RBMS3: variants seen among roughly 807,000 people sequenced by gnomAD.
RBMS3 encodes RNA binding motif single stranded interacting protein 3.
A neutral mutation model predicts 66.8 loss-of-function variants in RBMS3; 27 were observed. That is an observed-to-expected ratio of 0.40 (90% CI 0.30 to 0.56). The LOEUF is 0.56. Among genes scored for constraint, RBMS3 ranks in the 20% least tolerant of loss-of-function variants. The pLI is 0.40. For synonymous variants in RBMS3, 188 were observed against 183.0 expected (o/e 1.03, Z -0.22); for missense variants, 513 against 549.5 (o/e 0.93, Z 0.66).
At chr3:29,301,924 T>C (rs2033697237) in intron 1 of RBMS3, among the ~76,000 whole-genome samples, 2 of 152,134 alleles carry the variant, frequency 1.3e-5, no homozygotes, top group East Asian at 1.9e-4. Context: ...GGAAGAAACA[T>C]GATTTTGAAG....
At chr3:29,828,897 G>A (rs2058278078) in intron 6 of RBMS3, among the ~76,000 whole-genome samples, 2 of 152,048 alleles carry the variant, frequency 1.3e-5, no homozygotes, top group African/African-American at 2.4e-5. Flanking sequence ...AGATAACTGT[G>A]TGTTCAGTAA....
At chr3:29,668,799 A>C (rs571431038) in intron 4 of RBMS3, among the ~76,000 whole-genome samples, 1 of 152,318 alleles carries the variant, frequency 6.6e-6, no homozygotes, top group African/African-American at 2.4e-5. Context: ...TATTTTTTGA[A>C]ATTTTAATAC....
chr3:30,009,117 C>T lies in RBMS3; in HGVS notation c.*5255C>T, dbSNP rs1488037732. On this transcript the variant is annotated 3_prime_UTR_variant, in exon 15 of 15. Transcript: ENST00000383767. ...AGTAGAGGTGCAGTCAAGCTTGGAT[C>T]TGCAGGAAGAACCACTAGGCCACTG... is the stretch of plus-strand genomic sequence containing the variant. 1 of 152,096 alleles carries T rather than the reference C, an allele frequency of 6.6e-6. No individual in the cohort carries two copies. The highest frequency in any genetic ancestry group is 6.6e-5 in the Admixed American group (1 of 15,266). The allele number at this position is 152,096 out of a possible 1,614,324, so 9.4% of individuals were successfully genotyped here. A position where few individuals can be genotyped will look rare whatever the true frequency, so the allele number is the denominator to read the frequency against.
At chr3:29,561,112 T>C (rs2046535121) in intron 3 of RBMS3, among the ~76,000 whole-genome samples, 1 of 70 alleles carries the variant, frequency 0.014, no homozygotes, top group Admixed American at 0.25. Flanking sequence ...GGTGCCTATG[T>C]ACCACATTTT....
rs1483947793 is a variant in RBMS3, at chr3:29,413,397, CAT to C, written c.76-21344_76-21343del. 2.7e-5 allele frequency among the ~76,000 whole-genome samples: 4 copies of C among 150,240 alleles called. No individual in the cohort carries two copies. In the East Asian group the frequency reaches 7.9e-4, roughly 30 times the overall value. On this transcript the variant is annotated intron_variant, in intron 1 of 14. Coordinates refer to ENST00000383767, the MANE Select transcript of RBMS3 (RefSeq NM_001003793.3). ...TCATACATACATACATACATACATA[CAT>C]ACATACATACATACATACATACATA...
At chr3:29,849,114 T>A (rs2058862986) in intron 6 of RBMS3, among the ~76,000 whole-genome samples, 1 of 152,002 alleles carries the variant, frequency 6.6e-6, no homozygotes, top group Non-Finnish European at 1.5e-5. Flanking sequence ...GAATATTGTC[T>A]TTCACACATA....
At chr3:29,867,312 A>G (rs2059387304) in intron 6 of RBMS3, among the ~76,000 whole-genome samples, 1 of 151,852 alleles carries the variant, frequency 6.6e-6, no homozygotes, top group Non-Finnish European at 1.5e-5. Flanking sequence ...AATGCCACAT[A>G]TCAATTGTAA....
chr3:29,439,981 T>C (rs944522005), intron 2 of RBMS3, among the ~76,000 whole-genome samples: 2 of 152,166 alleles, frequency 1.3e-5, no homozygotes, highest in South Asian at 2.1e-4. Flanking sequence ...TCGGAGAAGA[T>C]AGATTTGGTT....
At chr3:29,944,103 C>T (rs1695138950) in intron 11 of RBMS3, 104 bp from the exon 12 acceptor site, 1 of 1,023,664 alleles carries the variant, frequency 9.8e-7, no homozygotes, top group Non-Finnish European at 1.5e-6. Flanking sequence ...GTGGGTCAGG[C>T]AACCATATGA....
chr3:29,880,899 T>C, intron 7 of RBMS3: 1 of 1,374,242 alleles, frequency 7.3e-7, no homozygotes, highest in Admixed American at 2.0e-5. Context: ...TCTCCCAAGG[T>C]ACCTACTCTA....
chr3:29,532,062 C>T (rs1337888282), intron 3 of RBMS3, among the ~76,000 whole-genome samples: 1 of 151,706 alleles, frequency 6.6e-6, no homozygotes, highest in Non-Finnish European at 1.5e-5. Context: ...ACATTGCAGC[C>T]ATTCAATACA....
chr3:29,462,733 G>T (rs7649965), intron 2 of RBMS3, among the ~76,000 whole-genome samples: 1 of 152,212 alleles, frequency 6.6e-6, no homozygotes, highest in Non-Finnish European at 1.5e-5. Context: ...CAGCTGAGTT[G>T]TTGAGAATGA....
At chr3:29,694,708 A>G (rs2052183826) in intron 4 of RBMS3, among the ~76,000 whole-genome samples, 1 of 152,144 alleles carries the variant, frequency 6.6e-6, no homozygotes, top group African/African-American at 2.4e-5. Context: ...TTTTAAACAC[A>G]TTATCTGTGC....
At chr3:29,577,285 G>T (rs1280307434) in intron 3 of RBMS3, among the ~76,000 whole-genome samples, 1 of 152,198 alleles carries the variant, frequency 6.6e-6, no homozygotes, top group African/African-American at 2.4e-5. Flanking sequence ...CAAGACACAA[G>T]GCTCCTCTTT....
At chr3:29,903,434 G>A (rs946592920) in intron 10 of RBMS3, among the ~76,000 whole-genome samples, 11 of 151,912 alleles carry the variant, frequency 7.2e-5, no homozygotes, top group East Asian at 1.9e-4. Context: ...CAGCACAGAC[G>A]TCTATACTGC....
chr3:29,481,936 C>G (rs1204851974), intron 2 of RBMS3, among the ~76,000 whole-genome samples: 1 of 152,110 alleles, frequency 6.6e-6, no homozygotes, highest in Non-Finnish European at 1.5e-5. Flanking sequence ...TATTTTATTT[C>G]ATTTTTACAG....
At chr3:29,707,785 G>A (rs548152201) in intron 4 of RBMS3, among the ~76,000 whole-genome samples, 3 of 152,350 alleles carry the variant, frequency 2.0e-5, no homozygotes, top group African/African-American at 7.2e-5. Context: ...GGTAGGAATG[G>A]AAAGACTATC....
At chr3:29,386,128 C>G (rs1388796141) in intron 1 of RBMS3, among the ~76,000 whole-genome samples, 1 of 151,898 alleles carries the variant, frequency 6.6e-6, no homozygotes, top group African/African-American at 2.4e-5. Context: ...ATGGTATATC[C>G]AATTGACTTT....
At chr3:29,695,694 T>A (rs2052239730) in intron 4 of RBMS3, among the ~76,000 whole-genome samples, 1 of 152,218 alleles carries the variant, frequency 6.6e-6, no homozygotes. Context: ...GAAACTTTGC[T>A]AACTTTTACT....
Sources: gnomAD v4.1 joint callset for allele counts (sites outside exome capture counted in the v4.1 genomes callset) on GRCh38, gnomAD v4.1.1 for gene constraint, MANE v1.5 for transcripts, NCBI Gene and HGNC (gene_info 2026-07-23, HGNC 2026-07-21) for gene names.